The following PTPRM variants were observed in gnomAD, a reference collection of about 807,000 sequenced individuals.
PTPRM encodes receptor-type tyrosine-protein phosphatase mu.
Under a neutral mutation model 186.7 loss-of-function variants are expected in PTPRM, and 47 were observed. The observed-to-expected ratio is 0.25, with a 90% confidence interval of 0.20 to 0.32. PTPRM has a LOEUF of 0.32. PTPRM is among the 10% of genes least tolerant of loss of function. The pLI, the probability that PTPRM is intolerant of heterozygous loss-of-function variation, is 1.00. For missense variants in PTPRM, 1,494 were observed against 1,865.0 expected, an observed-to-expected ratio of 0.80 and a Z score of 3.66; for synonymous variants, 668 against 674.9, an observed-to-expected ratio of 0.99 and a Z score of 0.16.
intron 2 of PTPRM, among the ~76,000 whole-genome samples, chr18:7,871,375 T>G (rs982773595): frequency 1.3e-5 from 2 of 152,216 alleles, no homozygotes; most frequent in South Asian, 4.1e-4. Flanking sequence ...GATCCTAAAC[T>G]TGCGTTAGCC....
chr18:8,302,032 A>G (rs1458768991), intron 20 of PTPRM, among the ~76,000 whole-genome samples: 1 of 152,184 alleles, frequency 6.6e-6, no homozygotes, highest in African/African-American at 2.4e-5. Flanking sequence ...CTCTGGGGTG[A>G]CCACAGGAGC....
chr18:8,406,451 T>C lies in PTPRM; in HGVS notation c.*289T>C. 2.8e-6 allele frequency: 1 copy of C among 358,858 alleles called. No individual in the cohort carries two copies. Among genetic ancestry groups the C allele is most frequent in the Non-Finnish European group, 5.0e-6 (1 of 198,454 alleles). 22.2% of individuals were successfully genotyped at this position (358,858 alleles called of 1,614,324 possible). On this transcript the variant is annotated 3_prime_UTR_variant, in exon 33 of 33. Transcript: ENST00000580170. ...GCTGGTAAACTGAAGAGCACAACTA[T>C]ATTCTTATGAAGGAATTTGTACCTT...
chr18:7,786,759 T>G (rs2043115667), intron 2 of PTPRM, among the ~76,000 whole-genome samples: 1 of 152,230 alleles, frequency 6.6e-6, no homozygotes, highest in Non-Finnish European at 1.5e-5. Context: ...TTGTCCTGGC[T>G]TACTGTGGAG....
intron 7 of PTPRM, among the ~76,000 whole-genome samples, chr18:7,993,238 C>T (rs1349248157): frequency 6.6e-6 from 1 of 151,894 alleles, no homozygotes; most frequent in East Asian, 1.9e-4. Flanking sequence ...TGGTCACCAT[C>T]AAGTGAACAA....
intron 32 of PTPRM, among the ~76,000 whole-genome samples, chr18:8,396,803 T>C (rs2095847453): frequency 6.6e-6 from 1 of 152,222 alleles, no homozygotes; most frequent in Admixed American, 6.5e-5. Flanking sequence ...TAGCAGGGTA[T>C]TAGATAATAT....
At chr18:8,048,652 A>G (rs889370194) in intron 7 of PTPRM, among the ~76,000 whole-genome samples, 3 of 152,194 alleles carry the variant, frequency 2.0e-5, no homozygotes, top group Non-Finnish European at 2.9e-5. Context: ...AATCTAGCAG[A>G]GTTGAGTGTG....
At chr18:7,614,928 C>G (rs1319180844) in intron 1 of PTPRM, among the ~76,000 whole-genome samples, 2 of 151,948 alleles carry the variant, frequency 1.3e-5, no homozygotes, top group African/African-American at 2.4e-5. Flanking sequence ...TTTTTTGAAC[C>G]GTTTTACTTT....
chr18:8,311,800 A>G (rs1274791419), intron 20 of PTPRM, among the ~76,000 whole-genome samples: 1 of 152,182 alleles, frequency 6.6e-6, no homozygotes, highest in African/African-American at 2.4e-5. Context: ...ACTCTACTTC[A>G]GAGGCTCTGT....
At chr18:8,261,305 T>A (rs1255309030) in intron 19 of PTPRM, among the ~76,000 whole-genome samples, 1 of 152,188 alleles carries the variant, frequency 6.6e-6, no homozygotes, top group Non-Finnish European at 1.5e-5. Context: ...ATCACACGGC[T>A]GTGTCTCCAA....
chr18:7,645,602 AAT>A (rs748504849), intron 1 of PTPRM, among the ~76,000 whole-genome samples: 11 of 152,224 alleles, frequency 7.2e-5, no homozygotes, highest in Non-Finnish European at 1.6e-4. Flanking sequence ...CCTCAGAAGC[AAT>A]ATATGTGTGA....
chr18:7,699,884 G>A (rs1057471924), intron 1 of PTPRM, among the ~76,000 whole-genome samples: 1 of 152,084 alleles, frequency 6.6e-6, no homozygotes, highest in Non-Finnish European at 1.5e-5. Flanking sequence ...TGGTTTTTGT[G>A]AATTGTATGA....
intron 14 of PTPRM, among the ~76,000 whole-genome samples, chr18:8,175,615 A>G (rs1302379625): frequency 6.6e-6 from 1 of 152,180 alleles, no homozygotes; most frequent in Non-Finnish European, 1.5e-5. Context: ...CTTGTTTTTA[A>G]AGGCTTCACC....
chr18:7,872,413 G>T (rs1359248000), intron 2 of PTPRM, among the ~76,000 whole-genome samples: 1 of 152,052 alleles, frequency 6.6e-6, no homozygotes, highest in African/African-American at 2.4e-5. Context: ...TTATTGTGCA[G>T]TTATTATTCA....
intron 5 of PTPRM, among the ~76,000 whole-genome samples, chr18:7,928,005 G>T (rs562533252): frequency 6.6e-6 from 1 of 152,134 alleles, no homozygotes; most frequent in Non-Finnish European, 1.5e-5. Flanking sequence ...GCCTCCTAAA[G>T]TGCTGGGATT....
At chr18:8,399,272 CG>C (rs2095860005) in intron 32 of PTPRM, among the ~76,000 whole-genome samples, 1 of 152,144 alleles carries the variant, frequency 6.6e-6, no homozygotes, top group Admixed American at 6.5e-5. Context: ...TCAGGAAAAC[CG>C]GGTCGCTTCT....
intron 14 of PTPRM, among the ~76,000 whole-genome samples, chr18:8,213,494 A>G (rs116777631): frequency 0.017 from 2,654 of 152,314 alleles, 31 homozygotes; most frequent in African/African-American, 0.034. Context: ...AGGCCCAGAA[A>G]ATAATGGAGA....
chr18:7,572,752 T>C (rs1409666721), intron 1 of PTPRM, among the ~76,000 whole-genome samples: 1 of 152,248 alleles, frequency 6.6e-6, no homozygotes, highest in Non-Finnish European at 1.5e-5. Context: ...GTTTCACTTT[T>C]TAGTGTGCTT....
intron 1 of PTPRM, among the ~76,000 whole-genome samples, chr18:7,729,385 G>C (rs1408466911): frequency 6.6e-6 from 1 of 152,192 alleles, no homozygotes; most frequent in Non-Finnish European, 1.5e-5. Context: ...TAGTGAAATA[G>C]ATGATCTTCT....
At chr18:7,930,679 C>G (rs1292396018) in intron 5 of PTPRM, among the ~76,000 whole-genome samples, 1 of 152,150 alleles carries the variant, frequency 6.6e-6, no homozygotes, top group Non-Finnish European at 1.5e-5. Flanking sequence ...ACCAATATTA[C>G]ATCGTTAATA....
Sources: gnomAD v4.1 joint callset for allele counts (sites outside exome capture counted in the v4.1 genomes callset) on GRCh38, gnomAD v4.1.1 for gene constraint, MANE v1.5 for transcripts, NCBI Gene and HGNC (gene_info 2026-07-23, HGNC 2026-07-21) for gene names.